The following SLC15A1 variants were observed in gnomAD, a reference collection of about 807,000 sequenced individuals.
SLC15A1 encodes solute carrier family 15 member 1, also known as Caco-2 oligopeptide transporter.
SLC15A1 carries 83 observed loss-of-function variants against 92.9 expected under a neutral mutation model. The observed-to-expected ratio is 0.89, with a 90% CI of 0.75 to 1.07. SLC15A1 has a LOEUF of 1.07. SLC15A1 is among the 50% of genes least tolerant of loss of function. The pLI is 0.00. For missense variants in SLC15A1, 857 were observed against 880.1 expected (o/e 0.97, Z 0.33); for synonymous variants, 322 against 318.2 (o/e 1.01, Z -0.13).
intron 8 of SLC15A1, among the ~76,000 whole-genome samples, chr13:98,716,650 C>T (rs1468480562): frequency 6.6e-6 from 1 of 152,046 alleles, no homozygotes; most frequent in African/African-American, 2.4e-5. Context: ...ATAAATGGAG[C>T]TGTAATCTTC....
intron 18 of SLC15A1, among the ~76,000 whole-genome samples, chr13:98,691,130 G>A (rs1474277648): frequency 1.3e-5 from 2 of 151,648 alleles, no homozygotes; most frequent in African/African-American, 2.4e-5. Flanking sequence ...TGCAACCTCC[G>A]CCTCCCAGGT....
At chr13:98,702,828 G>A (rs2088079131) in intron 17 of SLC15A1, among the ~76,000 whole-genome samples, 2 of 151,866 alleles carry the variant, frequency 1.3e-5, no homozygotes, top group Admixed American at 6.6e-5. Context: ...CACACTTGTA[G>A]TTGTAGCTGC....
intron 18 of SLC15A1, among the ~76,000 whole-genome samples, chr13:98,691,898 A>C (rs1408182712): frequency 6.6e-6 from 1 of 151,990 alleles, no homozygotes; most frequent in African/African-American, 2.4e-5. Context: ...ACATGGAGAA[A>C]TCCCGTCTCT....
intron 1 of SLC15A1, among the ~76,000 whole-genome samples, chr13:98,738,727 G>A (rs550430065): frequency 1.1e-4 from 16 of 152,362 alleles, no homozygotes; most frequent in Admixed American, 7.2e-4. Flanking sequence ...CTGCAGGGGC[G>A]GAGCACTCAC....
chr13:98,701,022 C>A (rs2088062856), intron 18 of SLC15A1, among the ~76,000 whole-genome samples: 1 of 152,138 alleles, frequency 6.6e-6, no homozygotes, highest in African/African-American at 2.4e-5. Flanking sequence ...GTTCCTTTGC[C>A]TTTCCATATA....
intron 17 of SLC15A1, among the ~76,000 whole-genome samples, chr13:98,704,031 C>G (rs1463927753): frequency 6.6e-6 from 1 of 152,218 alleles, no homozygotes; most frequent in Non-Finnish European, 1.5e-5. Flanking sequence ...GCATGCACAT[C>G]TGTGCACAGA....
At chr13:98,712,109 C>A in intron 10 of SLC15A1, among the ~76,000 whole-genome samples, 166 bp from the exon 11 acceptor site, 1 of 152,002 alleles carries the variant, frequency 6.6e-6, no homozygotes, top group East Asian at 1.9e-4. Context: ...TTTAGAAAAT[C>A]GAAAATGTCT....
At chr13:98,721,660 T>C in intron 6 of SLC15A1, 75 bp from the exon 7 acceptor site, 1 of 1,254,598 alleles carries the variant, frequency 8.0e-7, no homozygotes, top group Non-Finnish European at 1.1e-6. Flanking sequence ...GATCTCATTT[T>C]ACTACTAACT....
At chr13:98,741,153 G>A (rs1289510511) in intron 1 of SLC15A1, among the ~76,000 whole-genome samples, 1 of 152,194 alleles carries the variant, frequency 6.6e-6, no homozygotes, top group Non-Finnish European at 1.5e-5. Flanking sequence ...TGACAAGTGA[G>A]CGAGGGCCAC....
At chr13:98,722,712 G>A (rs1302223466) in intron 5 of SLC15A1, among the ~76,000 whole-genome samples, 2 of 152,116 alleles carry the variant, frequency 1.3e-5, no homozygotes, top group Admixed American at 6.5e-5. Flanking sequence ...TTCCTGAATT[G>A]GCTGGCCAAA....
chr13:98,721,027 G>C, intron 7 of SLC15A1: 1 of 423,160 alleles, frequency 2.4e-6, no homozygotes. Context: ...GCTCCAGCGT[G>C]GGTGACAGAG....
intron 1 of SLC15A1, among the ~76,000 whole-genome samples, chr13:98,739,673 C>T (rs556593382): frequency 6.6e-6 from 1 of 152,284 alleles, no homozygotes; most frequent in African/African-American, 2.4e-5. Context: ...CACCATGCTT[C>T]CTGTACAGCC....
At chr13:98,740,725 C>T (rs958577503) in intron 1 of SLC15A1, among the ~76,000 whole-genome samples, 2 of 152,130 alleles carry the variant, frequency 1.3e-5, no homozygotes, top group Admixed American at 1.3e-4. Context: ...CTTCAAAAAG[C>T]AGCAGTGGGA....
intron 9 of SLC15A1, among the ~76,000 whole-genome samples, chr13:98,714,765 T>C (rs9584919): frequency 0.025 from 3,705 of 150,900 alleles, 113 homozygotes; most frequent in African/African-American, 0.08. Context: ...TTTTCATCCA[T>C]AAGATTCACA....
At chr13:98,735,481 G>C (rs1303702784) in intron 1 of SLC15A1, among the ~76,000 whole-genome samples, 1 of 152,146 alleles carries the variant, frequency 6.6e-6, no homozygotes, top group Non-Finnish European at 1.5e-5. Context: ...TGGAAGTTCT[G>C]GCCAGGGCAA....
chr13:98,702,524 C>T lies in SLC15A1; in HGVS notation c.1422G>A (p.Lys474=). The T allele has an allele frequency of 6.2e-7, 1 of 1,603,936 alleles. No individual in the cohort carries two copies. The highest frequency in any genetic ancestry group is 8.5e-7 in the Non-Finnish European group (1 of 1,171,060). The change falls in exon 18 of 23, where the codon AAG becomes AAA. Residue 474 remains lysine, a synonymous_variant. Transcript: ENST00000376503. ...TTTCTGGCTTCTGGTTAAGACCATC[C>T]TTTACCTGAGAGAGAAAACAGTAAT... is the stretch of plus-strand genomic sequence containing the variant. ...VWAPNHYQVV[K]DGLNQKPEKG...
At chr13:98,730,271 G>GCATTTT (rs2088338677) in intron 1 of SLC15A1, among the ~76,000 whole-genome samples, 1 of 61,538 alleles carries the variant, frequency 1.6e-5, no homozygotes, top group African/African-American at 6.7e-5. Flanking sequence ...AGGGGAAGGG[G>GCATTTT]AGGGGAAGGG....
chr13:98,734,514 G>C (rs2088374921), intron 1 of SLC15A1, among the ~76,000 whole-genome samples: 1 of 152,102 alleles, frequency 6.6e-6, no homozygotes, highest in South Asian at 2.1e-4. Flanking sequence ...GTCGGGTCAG[G>C]GGATTTCCCT....
At position 98,684,599 on chromosome 13, in the gene SLC15A1, C is replaced by T. The variant is rs114218227; in HGVS notation, c.*125G>A. The T allele has an allele frequency of 2.4e-3, 1,168 of 493,828 alleles. 23 individuals carry two copies. The highest frequency in any genetic ancestry group is 0.02 in the African/African-American group (982 of 49,864). 30.6% of individuals were successfully genotyped at this position (493,828 alleles called of 1,614,324 possible). On this transcript the variant is annotated 3_prime_UTR_variant, in exon 23 of 23. Transcript: ENST00000376503. ...GAAAAAGAAAAAAGAAAATAGCATTCATGGTTTAGTTCCCAATTCTGAAGT... is the reference window on the plus strand; with the variant it reads ...GAAAAAGAAAAAAGAAAATAGCATTTATGGTTTAGTTCCCAATTCTGAAGT...
Sources: allele counts gnomAD v4.1 joint callset (sites outside exome capture counted in the v4.1 genomes callset), GRCh38; gene constraint gnomAD v4.1.1; transcripts MANE v1.5; gene names NCBI Gene and HGNC (gene_info 2026-07-23, HGNC 2026-07-21).